ERBB4: variants seen among roughly 807,000 people sequenced by gnomAD.
The protein encoded by ERBB4 is receptor tyrosine-protein kinase erbB-4.
ERBB4 carries 42 observed loss-of-function variants against 158.0 expected under a neutral mutation model. The observed-to-expected ratio is 0.27, with a 90% CI of 0.21 to 0.34. The LOEUF is 0.34. Among genes scored for constraint, ERBB4 ranks in the 10% least tolerant of loss-of-function variants. The pLI is 1.00. For missense variants in ERBB4, 1,333 were observed against 1,624.1 expected (o/e 0.82, Z 3.08); for synonymous variants, 583 against 558.7 (o/e 1.04, Z -0.61).
chr2:212,121,280 G>A (rs1459417497), intron 2 of ERBB4, among the ~76,000 whole-genome samples: 2 of 152,198 alleles, frequency 1.3e-5, no homozygotes, highest in African/African-American at 4.8e-5. Context: ...TGCACAGGCT[G>A]GAGTGCAGTG....
chr2:212,292,745 A>T (rs1225446717), intron 1 of ERBB4, among the ~76,000 whole-genome samples: 1 of 152,102 alleles, frequency 6.6e-6, no homozygotes, highest in South Asian at 2.1e-4. Context: ...AGATTAGTGA[A>T]AAGTTGTTTA....
At chr2:211,879,131 C>T (rs1421963173) in intron 3 of ERBB4, among the ~76,000 whole-genome samples, 1 of 151,998 alleles carries the variant, frequency 6.6e-6, no homozygotes, top group African/African-American at 2.4e-5. Flanking sequence ...ACATTCTTTT[C>T]CCCTAGAATT....
intron 12 of ERBB4, among the ~76,000 whole-genome samples, chr2:211,699,284 T>C (rs1006776531): frequency 2.3e-4 from 35 of 152,032 alleles, no homozygotes; most frequent in African/African-American, 7.5e-4. Context: ...CATATATGTT[T>C]AGGTGTTGTA....
intron 2 of ERBB4, among the ~76,000 whole-genome samples, chr2:212,107,695 G>A (rs1040112221): frequency 1.3e-5 from 2 of 152,144 alleles, no homozygotes; most frequent in African/African-American, 4.8e-5. Flanking sequence ...ATCTTGAATT[G>A]TAGCTCCAAC....
At chr2:212,029,778 GT>G (rs547710507) in intron 2 of ERBB4, among the ~76,000 whole-genome samples, 5 of 149,656 alleles carry the variant, frequency 3.3e-5, no homozygotes, top group Non-Finnish European at 7.4e-5. Flanking sequence ...TAAACATTTT[GT>G]TTAAGTTCAC....
At chr2:211,501,256 A>C (rs1559232033) in intron 20 of ERBB4, among the ~76,000 whole-genome samples, 2 of 151,896 alleles carry the variant, frequency 1.3e-5, no homozygotes, top group Non-Finnish European at 2.9e-5. Flanking sequence ...ATATATTTAG[A>C]TGGAATAAGA....
intron 25 of ERBB4, among the ~76,000 whole-genome samples, chr2:211,395,703 TTAACA>T (rs1363137417): frequency 1.8e-4 from 27 of 152,190 alleles, no homozygotes; most frequent in Admixed American, 5.2e-4. Context: ...CACATATTAA[TTAACA>T]TATTAGTTAA....
chr2:212,391,143 T>C (rs1475192033), intron 1 of ERBB4, among the ~76,000 whole-genome samples: 1 of 151,792 alleles, frequency 6.6e-6, no homozygotes, highest in Non-Finnish European at 1.5e-5. Flanking sequence ...CAAGATCTTA[T>C]GCCTTATCAA....
intron 2 of ERBB4, among the ~76,000 whole-genome samples, chr2:212,057,119 C>T (rs557323101): frequency 1.6e-4 from 25 of 152,050 alleles, no homozygotes; most frequent in South Asian, 1.2e-3. Context: ...AAAAAGGCAG[C>T]GGTTGCAATC....
intron 1 of ERBB4, among the ~76,000 whole-genome samples, chr2:212,488,318 C>CCTCT (rs67659068): frequency 0.018 from 2,107 of 115,770 alleles, 27 homozygotes; most frequent in Non-Finnish European, 0.025. Context: ...TTTCCTCGCT[C>CCTCT]CTCTCTCTCT....
intron 2 of ERBB4, among the ~76,000 whole-genome samples, chr2:211,995,364 C>T (rs376296661): frequency 7.9e-5 from 12 of 152,184 alleles, no homozygotes; most frequent in Non-Finnish European, 1.2e-4. Flanking sequence ...TGTGTAAATT[C>T]GTTTAAAGTT....
At position 212,088,891 on chromosome 2, in the gene ERBB4, T is replaced by C. The variant is rs115986293; in HGVS notation, c.234+35861A>G. On this transcript the variant is annotated intron_variant, in intron 2 of 27. Coordinates refer to ENST00000342788, the MANE Select transcript of ERBB4 (RefSeq NM_005235.3). ...CAGGTACGCTATTAGACACTCAGTTTACAGCAGTAACCAAAAGCAACCAGA... is the reference window on the plus strand; with the variant it reads ...CAGGTACGCTATTAGACACTCAGTTCACAGCAGTAACCAAAAGCAACCAGA... Among the ~76,000 whole-genome samples, 1,028 of 152,264 alleles carry C rather than the reference T, an allele frequency of 6.8e-3. 9 individuals are homozygous for C. The highest frequency in any genetic ancestry group is 0.023 in the African/African-American group (975 of 41,558).
chr2:212,524,940 G>A (rs1335060925), intron 1 of ERBB4, among the ~76,000 whole-genome samples: 4 of 151,950 alleles, frequency 2.6e-5, no homozygotes, highest in Non-Finnish European at 5.9e-5. Context: ...GAGATATGAA[G>A]GTCCATCATT....
chr2:212,373,243 A>T (rs1409323532), intron 1 of ERBB4, among the ~76,000 whole-genome samples: 4 of 152,152 alleles, frequency 2.6e-5, no homozygotes, highest in African/African-American at 4.8e-5. Context: ...GAGAGTACAA[A>T]GTTTTAGTAA....
intron 3 of ERBB4, among the ~76,000 whole-genome samples, chr2:211,821,399 T>G (rs1159154067): frequency 6.6e-6 from 1 of 151,958 alleles, no homozygotes; most frequent in Non-Finnish European, 1.5e-5. Context: ...AAGTATCCCA[T>G]ACTCATGAAT....
intron 16 of ERBB4, among the ~76,000 whole-genome samples, chr2:211,652,755 C>A (rs1397880330): frequency 6.6e-6 from 1 of 152,046 alleles, no homozygotes. Context: ...TGTGAAGCAC[C>A]TAGAATAATT....
intron 1 of ERBB4, among the ~76,000 whole-genome samples, chr2:212,286,621 GAC>G (rs1400575560): frequency 1.6e-3 from 26 of 15,786 alleles, no homozygotes; most frequent in Middle Eastern, 0.031. Flanking sequence ...TTTTTTTTTT[GAC>G]ACAGAGTCTC....
chr2:211,596,612 T>C (rs2125804061), intron 19 of ERBB4, among the ~76,000 whole-genome samples: 1 of 152,238 alleles, frequency 6.6e-6, no homozygotes, highest in South Asian at 2.1e-4. Context: ...CCTGGGAGCC[T>C]CCTTCTTACC....
At chr2:211,534,985 A>G (rs2066606749) in intron 20 of ERBB4, among the ~76,000 whole-genome samples, 1 of 152,078 alleles carries the variant, frequency 6.6e-6, no homozygotes, top group African/African-American at 2.4e-5. Context: ...CACCAGGGAA[A>G]TTTATACTAT....
Sources: allele counts gnomAD v4.1 joint callset (sites outside exome capture counted in the v4.1 genomes callset), GRCh38; gene constraint gnomAD v4.1.1; transcripts MANE v1.5; gene names NCBI Gene and HGNC (gene_info 2026-07-23, HGNC 2026-07-21).